The following UBOX5 variants were observed in gnomAD, a reference collection of about 807,000 sequenced individuals.
The protein encoded by UBOX5 is RING finger protein 37.
Under a neutral mutation model 39.0 loss-of-function variants are expected in UBOX5, and 28 were observed. That is an observed-to-expected ratio of 0.72 (90% CI 0.53 to 0.98). UBOX5 has a LOEUF of 0.98. Among genes scored for constraint, UBOX5 ranks in the 50% least tolerant of loss-of-function variants. The pLI, the probability that UBOX5 is intolerant of heterozygous loss-of-function variation, is 0.00. For missense variants in UBOX5, 585 were observed against 674.4 expected (o/e 0.87, Z 1.47); for synonymous variants, 283 against 275.5 (o/e 1.03, Z -0.27).
intron 1 of UBOX5, among the ~76,000 whole-genome samples, chr20:3,134,886 T>C (rs182377262): frequency 2.2e-4 from 33 of 151,794 alleles, no homozygotes; most frequent in African/African-American, 7.7e-4. Context: ...AAAATTTATA[T>C]ACATAATATA....
chr20:3,117,287 GCACACA>G lies in UBOX5; in HGVS notation c.1256-1827_1256-1822del, dbSNP rs11468015. Among the ~76,000 whole-genome samples the G allele has an allele frequency of 4.1e-3, 604 of 147,478 alleles. 6 individuals are homozygous for G. The highest frequency in any genetic ancestry group is 0.03 in the East Asian group (150 of 5,012). ...CATCAATGACACCTGACCAAAGATG[GCACACA>G]CACACACACACACACACACACACAC... On this transcript the variant is annotated intron_variant, in intron 3 of 4. Transcript: ENST00000217173.
intron 3 of UBOX5, among the ~76,000 whole-genome samples, chr20:3,119,019 A>C (rs979322642): frequency 6.6e-6 from 1 of 152,250 alleles, no homozygotes; most frequent in African/African-American, 2.4e-5. Flanking sequence ...TCGAACTAAG[A>C]AATATGAAGA....
At position 3,110,044 on chromosome 20, in the gene UBOX5, C is replaced by T. The variant is rs1221834710; in HGVS notation, c.*62G>A. On this transcript the variant is annotated 3_prime_UTR_variant, in exon 5 of 5. Coordinates refer to ENST00000217173, the MANE Select transcript of UBOX5 (RefSeq NM_014948.4). ...GGCCAGACCTCAGGGGTGCTGTGGC[C>T]CTGCTCCTGTTCCCCCTCAGCTCCT... 5 of 1,591,612 alleles carry T rather than the reference C, an allele frequency of 3.1e-6. No homozygotes were observed. The South Asian group carries it at 3.3e-5, about 11-fold the overall frequency.
rs1358600847 is a variant in UBOX5 at position 3,137,300 on chromosome 20, C to T, written c.-41-13894G>A. Among the ~76,000 whole-genome samples, 6 of 152,160 alleles carry T rather than the reference C, an allele frequency of 3.9e-5. No individual in the cohort carries two copies. The East Asian group carries it at 5.8e-4, about 15-fold the overall frequency. ...AAACTTTTAAAGATAATTGTAGACTCATGTGTAGTTGTTAAAAAACAATAC... is the reference window on the plus strand; with the variant it reads ...AAACTTTTAAAGATAATTGTAGACTTATGTGTAGTTGTTAAAAAACAATAC... On this transcript the variant is annotated intron_variant, in intron 1 of 4. Coordinates refer to ENST00000217173, the MANE Select transcript of UBOX5 (RefSeq NM_014948.4).
intron 1 of UBOX5, among the ~76,000 whole-genome samples, chr20:3,130,494 G>A (rs2066421356): frequency 1.3e-5 from 2 of 152,032 alleles, no homozygotes; most frequent in South Asian, 4.2e-4. Flanking sequence ...ACAGGTATGG[G>A]TCACCAAACC....
chr20:3,124,148 A>G (rs796085057), intron 1 of UBOX5, among the ~76,000 whole-genome samples: 18 of 152,298 alleles, frequency 1.2e-4, no homozygotes, highest in African/African-American at 4.1e-4. Flanking sequence ...GCAGTGAGCT[A>G]TGATCACACC....
At chr20:3,128,895 A>G (rs540261830) in intron 1 of UBOX5, among the ~76,000 whole-genome samples, 1 of 152,330 alleles carries the variant, frequency 6.6e-6, no homozygotes, top group African/African-American at 2.4e-5. Flanking sequence ...GAGTTCTTCT[A>G]GACTTAAATG....
At chr20:3,148,435 A>G (rs775746281) in intron 1 of UBOX5, 2 of 1,614,162 alleles carry the variant, frequency 1.2e-6, no homozygotes, top group South Asian at 2.2e-5. Context: ...AAATGACAAA[A>G]GCTTTCAAAA....
chr20:3,152,063 C>T (rs1001401934), intron 1 of UBOX5, among the ~76,000 whole-genome samples: 5 of 144,748 alleles, frequency 3.5e-5, no homozygotes, highest in Admixed American at 1.4e-4. Context: ...CAAGATGGTG[C>T]CACTGCACTG....
At chr20:3,116,959 A>T (rs1284412198) in intron 3 of UBOX5, among the ~76,000 whole-genome samples, 2 of 151,952 alleles carry the variant, frequency 1.3e-5, no homozygotes, top group Non-Finnish European at 2.9e-5. Flanking sequence ...AGCCAGGCGT[A>T]GTAGTGCGTG....
intron 1 of UBOX5, among the ~76,000 whole-genome samples, chr20:3,154,676 A>AAAAT (rs2066666207): frequency 6.6e-6 from 1 of 152,330 alleles, no homozygotes; most frequent in Admixed American, 6.5e-5. Flanking sequence ...CCTATCTCAA[A>AAAAT]AAATAAATAA....
At chr20:3,128,151 T>C (rs2066404131) in intron 1 of UBOX5, among the ~76,000 whole-genome samples, 1 of 152,252 alleles carries the variant, frequency 6.6e-6, no homozygotes, top group South Asian at 2.1e-4. Context: ...ATCTGATGCA[T>C]TGTGTCTACA....
chr20:3,154,279 G>A (rs1005552832), intron 1 of UBOX5, among the ~76,000 whole-genome samples: 3 of 152,156 alleles, frequency 2.0e-5, no homozygotes, highest in Non-Finnish European at 2.9e-5. Context: ...TACTTCTACC[G>A]GATAATCCGG....
chr20:3,154,434 T>C (rs372574743), intron 1 of UBOX5, among the ~76,000 whole-genome samples: 2 of 152,228 alleles, frequency 1.3e-5, no homozygotes, highest in African/African-American at 4.8e-5. Context: ...GTAATCATAG[T>C]ACTCTGGGAG....
At position 3,115,456 on chromosome 20, in the gene UBOX5, G is replaced by C. The variant is rs755408958; in HGVS notation, c.1266C>G (p.Ser422=). The C allele has an allele frequency of 6.2e-7, 1 of 1,612,826 alleles. No homozygotes were observed. Among genetic ancestry groups the C allele is most frequent in the East Asian group, 2.2e-5 (1 of 44,830 alleles). ...AGCTTTGTGACAGCTTCTGCTCGTG[G>C]GACAGTGGACCTGTCGAGAGATGCG... ...THMDCSTGPL[S]HEQKLSQSLE... The change falls in exon 4 of 5, where the codon TCC becomes TCG. Residue 422 remains serine, a synonymous_variant. Transcript: ENST00000217173.
At chr20:3,147,794 C>A in intron 1 of UBOX5, 2 of 1,614,174 alleles carry the variant, frequency 1.2e-6, no homozygotes, top group Non-Finnish European at 1.7e-6. Flanking sequence ...ATCTTTACTT[C>A]GACAGTGTGC....
intron 1 of UBOX5, chr20:3,136,091 T>A (rs1225099255): frequency 6.6e-6 from 1 of 152,268 alleles, no homozygotes; most frequent in Non-Finnish European, 1.5e-5. Context: ...TTCCCCACTA[T>A]CTTTTCTGTA....
Position 3,149,170 on chromosome 20 carries a change from G to A in UBOX5, c.-42+10596C>T. 1.5e-6 allele frequency: 2 copies of A among 1,356,336 alleles called. No individual in the cohort carries two copies. Among genetic ancestry groups the A allele is most frequent in the Non-Finnish European group, 2.0e-6 (2 of 1,000,128 alleles). 84.0% of individuals were successfully genotyped at this position (1,356,336 alleles called of 1,614,324 possible). A position where few individuals can be genotyped will look rare whatever the true frequency, so the allele number is the denominator to read the frequency against. ...TATGGTGCTTGATTAGAGCTGGACG[G>A]GGAGGTGTTCCACAAAAACTGCCTG... On this transcript the variant is annotated intron_variant, in intron 1 of 4. Transcript: ENST00000217173. The surrounding 1 kb of genome is among the most constrained non-coding windows in gnomAD (Gnocchi z 4.1).
chr20:3,140,977 G>A (rs1020248129), intron 1 of UBOX5, among the ~76,000 whole-genome samples: 11 of 147,728 alleles, frequency 7.4e-5, no homozygotes, highest in Non-Finnish European at 1.2e-4. Flanking sequence ...TGAGTGCAGT[G>A]GCACAATCTC....
Sources: gnomAD v4.1 joint callset for allele counts (sites outside exome capture counted in the v4.1 genomes callset) on GRCh38, gnomAD v4.1.1 for gene constraint, Gnocchi (gnomAD v3.1) non-coding constraint, MANE v1.5 for transcripts, NCBI Gene and HGNC (gene_info 2026-07-23, HGNC 2026-07-21) for gene names.